The following MAD1L1 variants were observed in gnomAD, a reference collection of about 807,000 sequenced individuals.
The protein encoded by MAD1L1 is mitotic spindle assembly checkpoint protein MAD1.
In MAD1L1, 95 loss-of-function variants were observed where a neutral mutation model predicts 96.9. That is an observed-to-expected ratio of 0.98 (90% CI 0.83 to 1.16). MAD1L1 has a LOEUF of 1.16. MAD1L1 is among the 50% of genes most tolerant of loss of function. MAD1L1 has a pLI of 0.00. For synonymous variants in MAD1L1, 473 were observed against 396.6 expected, an observed-to-expected ratio of 1.19 and a Z score of -2.29; for missense variants, 1,007 against 954.4, an observed-to-expected ratio of 1.06 and a Z score of -0.73.
At chr7:1,971,965 G>C (rs181630739) in intron 15 of MAD1L1, among the ~76,000 whole-genome samples, 1,837 of 152,280 alleles carry the variant, frequency 0.012, 15 homozygotes, top group African/African-American at 0.016. Context: ...AGCAATTTGT[G>C]GGAAACGTAC....
At chr7:2,020,444 G>A (rs1247578817) in intron 12 of MAD1L1, among the ~76,000 whole-genome samples, 5 of 152,230 alleles carry the variant, frequency 3.3e-5, no homozygotes, top group East Asian at 1.9e-4. Flanking sequence ...TTCAGAGGAC[G>A]GAACGCCATG....
At chr7:2,216,761 G>C (rs1793305281) in intron 7 of MAD1L1, among the ~76,000 whole-genome samples, 1 of 152,122 alleles carries the variant, frequency 6.6e-6, no homozygotes, top group Admixed American at 6.5e-5. Flanking sequence ...AATTGCTCTA[G>C]AAAATACCAT....
intron 12 of MAD1L1, among the ~76,000 whole-genome samples, chr7:2,063,845 G>A (rs573500260): frequency 2.0e-5 from 3 of 152,264 alleles, no homozygotes; most frequent in South Asian, 2.1e-4. Context: ...CAGCTCCCTC[G>A]GGGCAGCCAG....
intron 12 of MAD1L1, among the ~76,000 whole-genome samples, chr7:2,060,453 G>A (rs188769654): frequency 3.2e-4 from 48 of 152,222 alleles, no homozygotes; most frequent in Non-Finnish European, 4.9e-4. Flanking sequence ...CGCCGATGCC[G>A]AGATAACGCT....
At chr7:2,173,577 G>T (rs907153394) in intron 10 of MAD1L1, among the ~76,000 whole-genome samples, 1 of 152,144 alleles carries the variant, frequency 6.6e-6, no homozygotes, top group Admixed American at 6.5e-5. Context: ...TGCTCACCCG[G>T]CATCGGGCTG....
At chr7:2,189,781 AAC>A (rs527568811) in intron 10 of MAD1L1, among the ~76,000 whole-genome samples, 43 of 152,362 alleles carry the variant, frequency 2.8e-4, no homozygotes, top group African/African-American at 8.9e-4. Flanking sequence ...AAAAACAGTT[AAC>A]AGTCAATTTT....
intron 18 of MAD1L1, chr7:1,848,114 C>G (rs1263592422): frequency 3.9e-6 from 1 of 253,790 alleles, no homozygotes; most frequent in Non-Finnish European, 7.8e-6. Context: ...GGCACACAGA[C>G]CTAGTGTCGC....
intron 12 of MAD1L1, among the ~76,000 whole-genome samples, chr7:2,067,897 C>T (rs1020251260): frequency 4.6e-5 from 7 of 152,264 alleles, no homozygotes; most frequent in East Asian, 1.9e-4. Context: ...TGCCTGGCCC[C>T]GCTAGAAGAG....
At chr7:1,952,774 G>T (rs901196952) in intron 16 of MAD1L1, among the ~76,000 whole-genome samples, 1 of 152,236 alleles carries the variant, frequency 6.6e-6, no homozygotes, top group Non-Finnish European at 1.5e-5. Context: ...CAGGCCCATC[G>T]TCCCGGTCCA....
At chr7:2,110,815 G>A (rs113003165) in intron 11 of MAD1L1, among the ~76,000 whole-genome samples, 2,646 of 152,266 alleles carry the variant, frequency 0.017, 37 homozygotes, top group Non-Finnish European at 0.027. Flanking sequence ...ACGCCCATAA[G>A]AAGCGCTTTC....
chr7:2,126,536 C>T (rs1342186638), intron 11 of MAD1L1, among the ~76,000 whole-genome samples: 1 of 152,128 alleles, frequency 6.6e-6, no homozygotes, highest in African/African-American at 2.4e-5. Flanking sequence ...CCAGGCCAGG[C>T]ACAATGATTG....
chr7:2,099,537 T>C (rs1786670024), intron 11 of MAD1L1, among the ~76,000 whole-genome samples: 1 of 152,218 alleles, frequency 6.6e-6, no homozygotes, highest in Non-Finnish European at 1.5e-5. Context: ...AAGAGACAGC[T>C]AGCAATCTTT....
chr7:2,016,301 G>A (rs923966515), intron 12 of MAD1L1, among the ~76,000 whole-genome samples: 5 of 152,184 alleles, frequency 3.3e-5, no homozygotes, highest in African/African-American at 1.2e-4. Flanking sequence ...CTCCCCACCA[G>A]GTGAGGGCAG....
At chr7:2,036,991 G>A (rs7795126) in intron 12 of MAD1L1, among the ~76,000 whole-genome samples, 73,821 of 151,552 alleles carry the variant, frequency 0.49, 20,560 homozygotes, top group East Asian at 0.65. Flanking sequence ...CCCACAGCAC[G>A]AGCTTCCGCG....
intron 12 of MAD1L1, among the ~76,000 whole-genome samples, chr7:2,056,278 A>C (rs949628511): frequency 6.6e-6 from 1 of 152,232 alleles, no homozygotes; most frequent in South Asian, 2.1e-4. Flanking sequence ...AGAAAGAGCA[A>C]GAGAAATCGT....
At position 1,870,828 on chromosome 7, in the gene MAD1L1, AACAC is replaced by A. The variant is rs1562475914; in HGVS notation, c.1998+27368_1998+27371del. ...ATGCCTGCCACGCTGAACCGACCAT[AACAC>A]CTGCCACGCTGAACCGACCATAACA... On this transcript the variant is annotated intron_variant, in intron 18 of 18. Coordinates refer to ENST00000265854, the MANE Select transcript of MAD1L1 (RefSeq NM_001013836.2). Among the ~76,000 whole-genome samples, 2 of 14,150 alleles carry A rather than the reference AACAC, an allele frequency of 1.4e-4. 1 individual carries two copies. Among genetic ancestry groups the A allele is most frequent in the Admixed American group, 2.1e-3 (2 of 954 alleles). 9.3% of individuals were successfully genotyped at this position (14,150 alleles called of 152,430 possible). A position where few individuals can be genotyped will look rare whatever the true frequency, so the allele number is the denominator to read the frequency against.
chr7:2,110,422 G>A (rs572568755), intron 11 of MAD1L1, among the ~76,000 whole-genome samples: 1 of 152,310 alleles, frequency 6.6e-6, no homozygotes, highest in South Asian at 2.1e-4. Context: ...AGACCCCGCA[G>A]GGCTGTGACT....
At chr7:2,070,740 T>C (rs1489375451) in intron 11 of MAD1L1, among the ~76,000 whole-genome samples, 2 of 152,226 alleles carry the variant, frequency 1.3e-5, no homozygotes, top group Non-Finnish European at 2.9e-5. Flanking sequence ...ACCACAGCCC[T>C]GTGAGGCAAC....
intron 12 of MAD1L1, among the ~76,000 whole-genome samples, chr7:2,048,137 T>C (rs1411564375): frequency 2.0e-5 from 3 of 152,186 alleles, no homozygotes; most frequent in Non-Finnish European, 2.9e-5. Context: ...TGTGCATGCA[T>C]GCACACTGAG....
Sources: gnomAD v4.1 joint callset for allele counts (sites outside exome capture counted in the v4.1 genomes callset) on GRCh38, gnomAD v4.1.1 for gene constraint, MANE v1.5 for transcripts, NCBI Gene and HGNC (gene_info 2026-07-23, HGNC 2026-07-21) for gene names.